LRRC4B: variants seen among roughly 807,000 people sequenced by gnomAD.
LRRC4B encodes leucine-rich repeat-containing protein 4B.
LRRC4B carries 1 observed loss-of-function variant against 7.3 expected under a neutral mutation model. The observed-to-expected ratio is 0.14, with a 90% CI of 0.05 to 0.65. The LOEUF (loss-of-function observed/expected upper bound fraction) is 0.65, where lower values mean the gene tolerates loss of function less well. Among genes scored for constraint, LRRC4B ranks in the 30% least tolerant of loss-of-function variants. The pLI, the probability that LRRC4B is intolerant of heterozygous loss-of-function variation, is 0.84. For synonymous variants in LRRC4B, 500 were observed against 499.2 expected (o/e 1.00, Z -0.02); for missense variants, 730 against 1,041.6 (o/e 0.70, Z 4.12).
At position 50,517,065 on chromosome 19, in the gene LRRC4B, CGGGA is replaced by C. The variant is rs1980293761; in HGVS notation, c.*502_*505del. The C allele has an allele frequency of 6.6e-6, 1 of 151,050 alleles. No individual in the cohort carries two copies. Among genetic ancestry groups the C allele is most frequent in the South Asian group, 2.1e-4 (1 of 4,766 alleles). 9.4% of individuals were successfully genotyped at this position (151,050 alleles called of 1,614,324 possible). On this transcript the variant is annotated 3_prime_UTR_variant, in exon 3 of 3. Transcript: ENST00000652263. The surrounding 1 kb of genome is among the most constrained non-coding windows in gnomAD (Gnocchi z 6.6). Reference sequence around the variant, plus strand: ...CGCGCCGACGACAGGGACCGCCGGCCGGGAGCAGAGCCGGGCGCTGGGACGGGAG... The same window carrying C: ...CGCGCCGACGACAGGGACCGCCGGCCGCAGAGCCGGGCGCTGGGACGGGAG...
At position 50,519,086 on chromosome 19, in the gene LRRC4B, C is replaced by T. The variant is rs1980437509; in HGVS notation, c.627G>A (p.Leu209=). The change falls in exon 3 of 3, where the codon CTG becomes CTA. Residue 209 remains leucine, a synonymous_variant. Coordinates refer to ENST00000652263, the MANE Select transcript of LRRC4B (RefSeq NM_001080457.2). This position sits in a 1 kb window ranked among gnomAD's most constrained non-coding sequence, Gnocchi z 8.1. ...TGCACATGCCCAGGTTGAGGTAGCG[C>T]AGGTTGACCAGCCCCTCGAAGGCCG... ...SEAAFEGLVN[L]RYLNLGMCNL... is the part of the protein sequence containing the mutation. 2.5e-6 allele frequency: 4 copies of T among 1,609,202 alleles called. No homozygotes were observed. The highest frequency in any genetic ancestry group is 3.4e-6 in the Non-Finnish European group (4 of 1,179,932).
intron 2 of LRRC4B, among the ~76,000 whole-genome samples, chr19:50,539,174 G>A (rs928655390): frequency 2.6e-5 from 4 of 152,196 alleles, no homozygotes; most frequent in Admixed American, 6.5e-5. Flanking sequence ...CACCGTGCCC[G>A]GCCAGGTTTT....
At chr19:50,560,018 C>G (rs913983961) in intron 1 of LRRC4B, among the ~76,000 whole-genome samples, 3 of 152,180 alleles carry the variant, frequency 2.0e-5, no homozygotes, top group African/African-American at 7.2e-5. Context: ...GCCTGTAGTT[C>G]CAGCTACTCG....
At position 50,548,928 on chromosome 19, in the gene LRRC4B, G is replaced by A. The variant is rs1981938685; in HGVS notation, c.-35-55C>T. 1.0e-6 allele frequency: 1 copy of A among 996,608 alleles called. No individual in the cohort carries two copies. The highest frequency in any genetic ancestry group is 1.4e-6 in the Non-Finnish European group (1 of 701,996). The allele number at this position is 996,608 out of a possible 1,614,324, so 61.7% of individuals were successfully genotyped here. On this transcript the variant is annotated intron_variant, in intron 1 of 2. Transcript: ENST00000652263. The surrounding 1 kb of genome is among the most constrained non-coding windows in gnomAD (Gnocchi z 6.8). ...CTTGGTGAGGGACAGGAGCCCATGT[G>A]GCCTGGGTGCTTGCCAACACCCAGG...
intron 2 of LRRC4B, among the ~76,000 whole-genome samples, chr19:50,539,465 C>G (rs1215494352): frequency 6.6e-6 from 1 of 152,056 alleles, no homozygotes; most frequent in African/African-American, 2.4e-5. Context: ...CAGATAAATG[C>G]TTTGAAATTT....
intron 2 of LRRC4B, among the ~76,000 whole-genome samples, chr19:50,544,310 T>C (rs1279576217): frequency 2.0e-5 from 3 of 151,222 alleles, no homozygotes; most frequent in African/African-American, 4.9e-5. Context: ...ATCAAGACCA[T>C]CCTGGCTAAC....
intron 2 of LRRC4B, among the ~76,000 whole-genome samples, chr19:50,521,378 A>G (rs1980573931): frequency 6.6e-6 from 1 of 152,132 alleles, no homozygotes; most frequent in African/African-American, 2.4e-5. Flanking sequence ...GGACTCCCCA[A>G]ACTACACTTA....
rs1982253742 is a variant in LRRC4B, at chr19:50,555,768, T to A, written c.-35-6895A>T. On this transcript the variant is annotated intron_variant, in intron 1 of 2. Coordinates refer to ENST00000652263, the MANE Select transcript of LRRC4B (RefSeq NM_001080457.2). The surrounding 1 kb of genome is among the most constrained non-coding windows in gnomAD (Gnocchi z 5.2). ...GAACGTTCCTGTCAGGCGCACTCATTTTTTGGGGTGGGGTGGGGGGCTAAA... is the reference window on the plus strand; with the variant it reads ...GAACGTTCCTGTCAGGCGCACTCATATTTTGGGGTGGGGTGGGGGGCTAAA... 6.6e-6 allele frequency: 1 copy of A among 151,628 alleles called. No homozygotes were observed. 9.4% of individuals were successfully genotyped at this position (151,628 alleles called of 1,614,324 possible). A position where few individuals can be genotyped will look rare whatever the true frequency, so the allele number is the denominator to read the frequency against.
intron 1 of LRRC4B, among the ~76,000 whole-genome samples, chr19:50,560,784 A>G (rs537881966): frequency 5.9e-5 from 9 of 152,308 alleles, no homozygotes; most frequent in Non-Finnish European, 1.0e-4. Context: ...TGACAGCTAC[A>G]TTAAAAGTTA....
chr19:50,528,083 C>T (rs1368948776), intron 2 of LRRC4B, among the ~76,000 whole-genome samples: 1 of 151,924 alleles, frequency 6.6e-6, no homozygotes, highest in Non-Finnish European at 1.5e-5. Flanking sequence ...CCCTCTGTCA[C>T]TCTGGCTGAA....
Position 50,548,490 on chromosome 19 carries a change from G to A in LRRC4B, c.297+52C>T, listed in dbSNP as rs1046887591. On this transcript the variant is annotated intron_variant, in intron 2 of 2. Coordinates refer to ENST00000652263, the MANE Select transcript of LRRC4B (RefSeq NM_001080457.2). This position sits in a 1 kb window ranked among gnomAD's most constrained non-coding sequence, Gnocchi z 6.8. ...CAGAAGGGATGGGCTACATCTGCAT[G>A]CCTCCCCAGTGTCCCCTCCAAGGTC... 3 of 1,547,660 alleles carry A rather than the reference G, an allele frequency of 1.9e-6. No individual in the cohort carries two copies. The highest frequency in any genetic ancestry group is 3.8e-4 in the Middle Eastern group (2 of 5,288).
chr19:50,517,710 G>A lies in LRRC4B; in HGVS notation c.2003C>T (p.Ala668Val). ...GCTGCTGTAGTGCGCCTTGAAGGCGGCAGCCACGTAGTGGTGGTGGTTGAG... is the reference window on the plus strand; with the variant it reads ...GCTGCTGTAGTGCGCCTTGAAGGCGACAGCCACGTAGTGGTGGTGGTTGAG... ...DHLNHHHYVA[A>V]AFKAHYSSNP... The change falls in exon 3 of 3, where the codon GCC becomes GTC. Residue 668 changes from alanine (A) to valine (V), a missense_variant. By Grantham distance (64) the Ala-to-Val change is moderately conservative (BLOSUM62 0). Around this residue, in one of 6 missense-constraint regions of LRRC4B, gnomAD observed 160 missense variants for 163.9 expected, o/e 0.98. Transcript: ENST00000652263. The surrounding 1 kb of genome is among the most constrained non-coding windows in gnomAD (Gnocchi z 6.6). The A allele has an allele frequency of 6.4e-7, 1 of 1,553,488 alleles. No homozygotes were observed. Among genetic ancestry groups the A allele is most frequent in the Non-Finnish European group, 8.7e-7 (1 of 1,151,646 alleles).
chr19:50,555,701 G>A lies in LRRC4B; in HGVS notation c.-35-6828C>T, dbSNP rs567090169. 6.6e-6 allele frequency: 1 copy of A among 152,368 alleles called. No individual in the cohort carries two copies. Among genetic ancestry groups the A allele is most frequent in the African/African-American group, 2.4e-5 (1 of 41,420 alleles). 9.4% of individuals were successfully genotyped at this position (152,368 alleles called of 1,614,324 possible). On this transcript the variant is annotated intron_variant, in intron 1 of 2. Transcript: ENST00000652263. The surrounding 1 kb of genome is among the most constrained non-coding windows in gnomAD (Gnocchi z 5.2). The stretch of plus-strand genomic sequence containing the variant: ...CAGGCAGATGGCAGATCGGAAACTC[G>A]GGGACCCAGGAGAGGCGGGGTGAGG...
rs538171265 is a variant in LRRC4B at position 50,556,405 on chromosome 19, C to T, written c.-35-7532G>A. On this transcript the variant is annotated intron_variant, in intron 1 of 2. Transcript: ENST00000652263. The surrounding 1 kb of genome is among the most constrained non-coding windows in gnomAD (Gnocchi z 4.2). ...CCACCCAGGCTCTTCCCATCCACACCAGACCCGTTCCCCTGAGGGGACTTT... is the reference window on the plus strand; with the variant it reads ...CCACCCAGGCTCTTCCCATCCACACTAGACCCGTTCCCCTGAGGGGACTTT... Among the ~76,000 whole-genome samples, 3 of 152,284 alleles carry T rather than the reference C, an allele frequency of 2.0e-5. No homozygotes were observed. The highest frequency in any genetic ancestry group is 2.0e-4 in the Admixed American group (3 of 15,306).
chr19:50,565,607 C>T (rs1267857231), intron 1 of LRRC4B, among the ~76,000 whole-genome samples: 4 of 152,000 alleles, frequency 2.6e-5, no homozygotes, highest in African/African-American at 9.7e-5. Flanking sequence ...GTGTCTTCCT[C>T]GCACGCTCCC....
Position 50,519,009 on chromosome 19 carries a change from T to A in LRRC4B, c.704A>T (p.Glu235Val), listed in dbSNP as rs753552228. The A allele has an allele frequency of 6.2e-7, 1 of 1,612,102 alleles. No homozygotes were observed. The highest frequency in any genetic ancestry group is 8.5e-7 in the Non-Finnish European group (1 of 1,179,736). ...CAGGTCCAGCCGGTTGCCCGACAGCTCCAGCTCCTCCAGGCGCACCAGGGC... is the reference window on the plus strand; with the variant it reads ...CAGGTCCAGCCGGTTGCCCGACAGCACCAGCTCCTCCAGGCGCACCAGGGC... ...LTALVRLEEL[E>V]LSGNRLDLIR... The change falls in exon 3 of 3, where the codon GAG (glutamate) becomes GTG (valine). Residue 235 changes from glutamate (E) to valine (V), a missense_variant. Transcript: ENST00000652263. The surrounding 1 kb of genome is among the most constrained non-coding windows in gnomAD (Gnocchi z 8.1).
intron 2 of LRRC4B, among the ~76,000 whole-genome samples, chr19:50,529,138 C>T (rs182184734): frequency 8.5e-4 from 130 of 152,150 alleles, no homozygotes; most frequent in Non-Finnish European, 1.4e-3. Flanking sequence ...TTCTCAGAGC[C>T]GGTTCTCAGA....
rs765666962 is a variant in LRRC4B, at chr19:50,518,840, C to A, written c.873G>T (p.Ser291=). The A allele has an allele frequency of 1.9e-6, 3 of 1,613,900 alleles. No homozygotes were observed. The highest frequency in any genetic ancestry group is 3.3e-5 in the Admixed American group (2 of 60,000). ...GGGGCGTGAAGAGGTCGTGGGGCAG[C>A]GACATCAGGTTGTTGTGGGACAGGT... ...ELNLSHNNLM[S]LPHDLFTPLH... Residue 291 remains serine (S), a synonymous_variant, in exon 3 of 3, where the codon TCG becomes TCT. Coordinates refer to ENST00000652263, the MANE Select transcript of LRRC4B (RefSeq NM_001080457.2).
chr19:50,541,047 G>C (rs888439760), intron 2 of LRRC4B, among the ~76,000 whole-genome samples: 1 of 151,806 alleles, frequency 6.6e-6, no homozygotes, highest in East Asian at 1.9e-4. Flanking sequence ...AGCCGGGCGT[G>C]CTGGTGGGTG....
Sources: gnomAD v4.1 joint callset for allele counts (sites outside exome capture counted in the v4.1 genomes callset) on GRCh38, gnomAD v4.1.1 for gene constraint, gnomAD v4.1.1 regional missense constraint, Gnocchi (gnomAD v3.1) non-coding constraint, MANE v1.5 for transcripts, NCBI Gene and HGNC (gene_info 2026-07-23, HGNC 2026-07-21) for gene names.